FRRS1: variants seen among roughly 807,000 people sequenced by gnomAD.
FRRS1 encodes ferric reductase 1.
In FRRS1, 51 loss-of-function variants were observed where a neutral mutation model predicts 70.7. That is an observed-to-expected ratio of 0.72 (90% CI 0.58 to 0.91). The LOEUF (loss-of-function observed/expected upper bound fraction) is 0.91. Among genes scored for constraint, FRRS1 ranks in the 40% least tolerant of loss-of-function variants. FRRS1 has a pLI of 0.00. For synonymous variants in FRRS1, 225 were observed against 238.7 expected, an observed-to-expected ratio of 0.94 and a Z score of 0.53; for missense variants, 672 against 726.0, an observed-to-expected ratio of 0.93 and a Z score of 0.86.
intron 4 of FRRS1, among the ~76,000 whole-genome samples, chr1:99,743,809 CA>C (rs1311362049): frequency 6.6e-6 from 1 of 152,138 alleles, no homozygotes; most frequent in Admixed American, 6.5e-5. Context: ...CTCAGCCTCC[CA>C]AAGTACTGGG....
intron 12 of FRRS1, among the ~76,000 whole-genome samples, chr1:99,714,917 G>A (rs980730158): frequency 1.1e-4 from 16 of 152,136 alleles, no homozygotes; most frequent in Admixed American, 6.5e-4. Flanking sequence ...TTCAAGCCAC[G>A]GGAGAAGTCT....
intron 1 of FRRS1, among the ~76,000 whole-genome samples, chr1:99,763,111 C>T (rs1398683730): frequency 6.6e-6 from 1 of 152,108 alleles, no homozygotes; most frequent in Non-Finnish European, 1.5e-5. Flanking sequence ...CAAAGGCACT[C>T]GACATTTAAT....
intron 1 of FRRS1, among the ~76,000 whole-genome samples, chr1:99,760,319 G>A (rs547494141): frequency 5.9e-5 from 9 of 152,202 alleles, no homozygotes; most frequent in East Asian, 1.9e-4. Context: ...TTGTTCAAAC[G>A]TAAAATATTT....
At chr1:99,745,883 C>G (rs1656232840) in intron 4 of FRRS1, among the ~76,000 whole-genome samples, 1 of 151,744 alleles carries the variant, frequency 6.6e-6, no homozygotes. Context: ...TGTGGCACCT[C>G]CCCCCCCACT....
Position 99,706,233 on chromosome 1 carries a change from A to T in FRRS1, c.*2795T>A, listed in dbSNP as rs887956233. On this transcript the variant is annotated 3_prime_UTR_variant, in exon 17 of 17. Transcript: ENST00000646001. ...GAGATCCCTTCTCTACCAAAAAAAA[A>T]AAAAAATTTTTTTTTAATTAGCTGG... Among the ~76,000 whole-genome samples, 2 of 151,902 alleles carry T rather than the reference A, an allele frequency of 1.3e-5. No individual in the cohort carries two copies. The highest frequency in any genetic ancestry group is 6.6e-5 in the Admixed American group (1 of 15,236).
chr1:99,718,454 A>G (rs1473968649), intron 10 of FRRS1, among the ~76,000 whole-genome samples: 4 of 152,152 alleles, frequency 2.6e-5, no homozygotes, highest in African/African-American at 9.6e-5. Flanking sequence ...TCAGCCTCCC[A>G]AGTAGCTGGG....
intron 1 of FRRS1, among the ~76,000 whole-genome samples, chr1:99,754,487 AAG>A (rs1204934716): frequency 5.8e-5 from 7 of 121,262 alleles, no homozygotes; most frequent in Non-Finnish European, 1.7e-5. Flanking sequence ...CCTTGTCTCA[AAG>A]AGAGAGAGAG....
Position 99,707,690 on chromosome 1 carries a change from A to G in FRRS1, c.*1338T>C, listed in dbSNP as rs1654069975. 6.6e-6 allele frequency among the ~76,000 whole-genome samples: 1 copy of G among 152,264 alleles called. No homozygotes were observed. The highest frequency in any genetic ancestry group is 1.5e-5 in the Non-Finnish European group (1 of 68,040). On this transcript the variant is annotated 3_prime_UTR_variant, in exon 17 of 17. Coordinates refer to ENST00000646001, the MANE Select transcript of FRRS1 (RefSeq NM_001361041.2). ...GTTACCTAAATACTAGAAAGGAATCAGCACAAGGAAACAGGAACAAAGCAG... is the reference window on the plus strand; with the variant it reads ...GTTACCTAAATACTAGAAAGGAATCGGCACAAGGAAACAGGAACAAAGCAG...
chr1:99,758,710 C>T (rs577491830), intron 1 of FRRS1, among the ~76,000 whole-genome samples: 11 of 152,004 alleles, frequency 7.2e-5, no homozygotes, highest in South Asian at 4.1e-4. Context: ...TGACTGCCTG[C>T]GGGGTTGGGC....
Position 99,709,265 on chromosome 1 carries a change from A to G in FRRS1, c.1625-6T>C. The G allele has an allele frequency of 1.9e-6, 3 of 1,595,666 alleles. No homozygotes were observed. Among genetic ancestry groups the G allele is most frequent in the Non-Finnish European group, 2.6e-6 (3 of 1,163,972 alleles). ...GTCATCATCCAATATTTCAACTGTCAAGAATAATAACATAAGTTTTTAAGG... is the reference window on the plus strand; with the variant it reads ...GTCATCATCCAATATTTCAACTGTCGAGAATAATAACATAAGTTTTTAAGG... On this transcript the variant is annotated splice_polypyrimidine_tract_variant and splice_region_variant and intron_variant, in intron 15 of 16. Transcript: ENST00000646001.
Position 99,708,949 on chromosome 1 carries a change from G to A in FRRS1, c.*79C>T, listed in dbSNP as rs774424630. On this transcript the variant is annotated 3_prime_UTR_variant, in exon 17 of 17. Transcript: ENST00000646001. ...GTGAGAATTCACAAATATGCTCCAGGCAGTCAGGACAGGCTTCAAGTTTCT... is the reference window on the plus strand; with the variant it reads ...GTGAGAATTCACAAATATGCTCCAGACAGTCAGGACAGGCTTCAAGTTTCT... 3.7e-6 allele frequency: 6 copies of A among 1,613,790 alleles called. No individual in the cohort carries two copies. In the Admixed American group the frequency reaches 6.7e-5, roughly 18 times the overall value.
chr1:99,732,816 A>C (rs1655460501), intron 7 of FRRS1, among the ~76,000 whole-genome samples: 1 of 149,140 alleles, frequency 6.7e-6, no homozygotes, highest in Non-Finnish European at 1.5e-5. Context: ...AAGTTTTGCC[A>C]AAGGTTTGGA....
intron 4 of FRRS1, among the ~76,000 whole-genome samples, chr1:99,744,654 C>T (rs1209648563): frequency 6.6e-6 from 1 of 152,108 alleles, no homozygotes; most frequent in Non-Finnish European, 1.5e-5. Context: ...GGCGTGGTGG[C>T]ACATGCCTGT....
At chr1:99,747,735 G>A in intron 3 of FRRS1, 1 of 225,926 alleles carries the variant, frequency 4.4e-6, no homozygotes, top group East Asian at 1.1e-4. Context: ...TACCAATTGG[G>A]TACTATGCTT....
chr1:99,744,075 A>AAAAAGAAAG (rs1553173617), intron 4 of FRRS1, among the ~76,000 whole-genome samples: 1 of 150,206 alleles, frequency 6.7e-6, no homozygotes, highest in African/African-American at 2.5e-5. Context: ...AAAAAAAAAA[A>AAAAAGAAAG]AAAGAAAGAA....
intron 5 of FRRS1, among the ~76,000 whole-genome samples, chr1:99,741,900 C>A (rs1002297440): frequency 6.6e-6 from 1 of 152,212 alleles, no homozygotes; most frequent in Non-Finnish European, 1.5e-5. Flanking sequence ...ACTCCTACAT[C>A]AGGAAGGTTG....
At chr1:99,745,973 A>C (rs1397668422) in intron 4 of FRRS1, among the ~76,000 whole-genome samples, 1 of 144,718 alleles carries the variant, frequency 6.9e-6, no homozygotes, top group Non-Finnish European at 1.5e-5. Context: ...AAAGGCCATG[A>C]GGCCTCCCTA....
intron 5 of FRRS1, among the ~76,000 whole-genome samples, chr1:99,741,297 G>A (rs1158859992): frequency 6.6e-6 from 1 of 152,134 alleles, no homozygotes; most frequent in African/African-American, 2.4e-5. Flanking sequence ...TCTTCCAAAG[G>A]GCATGTGTAG....
chr1:99,759,723 A>G (rs983680549), intron 1 of FRRS1, among the ~76,000 whole-genome samples: 3 of 152,256 alleles, frequency 2.0e-5, no homozygotes, highest in African/African-American at 7.2e-5. Context: ...AAGGAGACAT[A>G]GAGAAAGACG....
Sources: gnomAD v4.1 joint callset for allele counts (sites outside exome capture counted in the v4.1 genomes callset) on GRCh38, gnomAD v4.1.1 for gene constraint, MANE v1.5 for transcripts, NCBI Gene and HGNC (gene_info 2026-07-23, HGNC 2026-07-21) for gene names.